Variants in CRPPA observed in about 807,000 individuals in gnomAD.
CRPPA encodes CDP-L-ribitol pyrophosphorylase A, also known as D-ribitol-5-phosphate cytidylyltransferase.
Under a neutral mutation model 52.0 loss-of-function variants are expected in CRPPA, and 43 were observed. The ratio of observed to expected loss-of-function variants is 0.83; its 90% confidence interval spans 0.65 to 1.07. The LOEUF (loss-of-function observed/expected upper bound fraction) is 1.07, where lower values mean the gene tolerates loss of function less well. Ranked by LOEUF, CRPPA falls within the 50% of genes least tolerant of loss-of-function variation. CRPPA has a pLI of 0.00. For synonymous variants in CRPPA, 250 were observed against 203.5 expected (o/e 1.23, Z -1.94); for missense variants, 629 against 551.7 (o/e 1.14, Z -1.40).
intron 3 of CRPPA, among the ~76,000 whole-genome samples, chr7:16,342,000 G>C (rs1036226143): frequency 1.3e-5 from 2 of 151,790 alleles, no homozygotes; most frequent in African/African-American, 4.8e-5. Flanking sequence ...CTTTCTATTG[G>C]TTTCTCACTC....
intron 3 of CRPPA, among the ~76,000 whole-genome samples, chr7:16,329,885 G>T (rs1325966842): frequency 6.6e-6 from 1 of 152,206 alleles, no homozygotes; most frequent in Non-Finnish European, 1.5e-5. Flanking sequence ...AATACTACCT[G>T]AAGCCCTGTG....
chr7:16,378,280 A>G (rs1458475455), intron 2 of CRPPA, among the ~76,000 whole-genome samples: 1 of 89,762 alleles, frequency 1.1e-5, no homozygotes, highest in African/African-American at 4.6e-5. Flanking sequence ...CCCACAACAG[A>G]CCCCAGAGTG....
intron 9 of CRPPA, among the ~76,000 whole-genome samples, chr7:16,092,815 C>T (rs1302002636): frequency 1.3e-5 from 2 of 152,170 alleles, no homozygotes; most frequent in South Asian, 2.1e-4. Flanking sequence ...CTTATCCTCT[C>T]GGCCTCTTCT....
Position 16,382,108 on chromosome 7 carries a change from A to G in CRPPA, c.535-5867T>C, listed in dbSNP as rs577876001. 2.6e-5 allele frequency among the ~76,000 whole-genome samples: 4 copies of G among 152,194 alleles called. No homozygotes were observed. In the South Asian group the frequency reaches 8.3e-4, roughly 32 times the overall value. On this transcript the variant is annotated intron_variant, in intron 2 of 9. Coordinates refer to ENST00000407010, the MANE Select transcript of CRPPA (RefSeq NM_001101426.4). ...GCCTTGATGGTCTTTATAATTTGGCATGATTTTGCAGTGGCTGGTACCGGT... is the reference window on the plus strand; with the variant it reads ...GCCTTGATGGTCTTTATAATTTGGCGTGATTTTGCAGTGGCTGGTACCGGT...
At chr7:16,240,461 T>TA (rs918155103) in intron 8 of CRPPA, among the ~76,000 whole-genome samples, 14 of 150,900 alleles carry the variant, frequency 9.3e-5, no homozygotes, top group Admixed American at 3.3e-4. Context: ...TTTTTCTGAT[T>TA]AAAAAAAAAT....
intron 1 of CRPPA, among the ~76,000 whole-genome samples, chr7:16,414,290 G>T (rs919149794): frequency 6.7e-6 from 1 of 148,632 alleles, no homozygotes; most frequent in South Asian, 2.1e-4. Flanking sequence ...AATCCCTTTT[G>T]CTGTAGTTGT....
chr7:16,244,650 T>C (rs976388759), intron 8 of CRPPA, among the ~76,000 whole-genome samples: 26 of 152,186 alleles, frequency 1.7e-4, no homozygotes, highest in African/African-American at 6.3e-4. Flanking sequence ...TATCTGTTCT[T>C]GTAGAGTAAA....
At chr7:16,211,998 G>A (rs1285740917) in intron 9 of CRPPA, among the ~76,000 whole-genome samples, 2 of 151,982 alleles carry the variant, frequency 1.3e-5, no homozygotes, top group Non-Finnish European at 2.9e-5. Context: ...TTATTTTATT[G>A]TTCTATATCC....
chr7:16,381,692 A>G (rs1787093483), intron 2 of CRPPA, among the ~76,000 whole-genome samples: 1 of 151,920 alleles, frequency 6.6e-6, no homozygotes, highest in South Asian at 2.1e-4. Flanking sequence ...GGGTGCATAT[A>G]TATTTAGGAT....
chr7:16,175,005 G>A (rs993251955), intron 9 of CRPPA, among the ~76,000 whole-genome samples: 4 of 152,034 alleles, frequency 2.6e-5, no homozygotes, highest in Non-Finnish European at 5.9e-5. Context: ...AGATTTTGTT[G>A]GTTTTTGAGC....
chr7:16,156,048 T>TTA lies in CRPPA; in HGVS notation c.1251+60016_1251+60017dup, dbSNP rs1201684075. 3.3e-5 allele frequency among the ~76,000 whole-genome samples: 5 copies of TTA among 151,712 alleles called. No individual in the cohort carries two copies. The East Asian group carries it at 5.8e-4, about 18-fold the overall frequency. ...ACATTTCATGAGGACTACATCTTTT[T>TTA]TATATATATATTAAGCCAACACAAA... On this transcript the variant is annotated intron_variant, in intron 9 of 9. Transcript: ENST00000407010.
At chr7:16,406,713 T>C (rs1195062834) in intron 1 of CRPPA, among the ~76,000 whole-genome samples, 2 of 152,214 alleles carry the variant, frequency 1.3e-5, no homozygotes, top group Non-Finnish European at 2.9e-5. Flanking sequence ...ACTTTTCCCT[T>C]CAATGAGACA....
chr7:16,216,142 A>G lies in CRPPA; in HGVS notation c.1175T>C (p.Met392Thr). Residue 392 changes from methionine to threonine, a missense_variant, in exon 9 of 10, where the codon ATG becomes ACG. Physicochemically the swap from Met to Thr is moderately conservative, Grantham distance 81 (BLOSUM62 -1). Transcript: ENST00000407010. The part of the protein sequence containing the change: ...VPPSQKMENL[M>T]QIREFAKEVK... ...TTCCTTTGCAAATTCTCTAATCTGC[A>G]TTAGGTTTTCCATTTTCTGACTGGG... is the stretch of plus-strand genomic sequence containing the variant. The G allele has an allele frequency of 6.3e-7, 1 of 1,598,548 alleles. No individual in the cohort carries two copies. Among genetic ancestry groups the G allele is most frequent in the Non-Finnish European group, 8.6e-7 (1 of 1,168,014 alleles).
intron 5 of CRPPA, 135 bp from the exon 6 acceptor site, chr7:16,278,361 A>C: frequency 1.7e-6 from 1 of 605,578 alleles, no homozygotes; most frequent in South Asian, 2.0e-5. Flanking sequence ...GGCCAAGTGG[A>C]GTAATCTGTG....
At chr7:16,263,212 G>A (rs1470659280) in intron 6 of CRPPA, among the ~76,000 whole-genome samples, 1 of 151,976 alleles carries the variant, frequency 6.6e-6, no homozygotes, top group African/African-American at 2.4e-5. Context: ...CTAAAATAGT[G>A]ACTTTGACAT....
At chr7:16,409,873 A>T (rs1788037671) in intron 1 of CRPPA, among the ~76,000 whole-genome samples, 2 of 152,336 alleles carry the variant, frequency 1.3e-5, no homozygotes, top group South Asian at 4.1e-4. Flanking sequence ...CTCCATATAG[A>T]GACAATGTCT....
At chr7:16,397,011 G>A (rs941861591) in intron 2 of CRPPA, among the ~76,000 whole-genome samples, 6 of 152,174 alleles carry the variant, frequency 3.9e-5, no homozygotes, top group South Asian at 2.1e-4. Flanking sequence ...GAACTGACAC[G>A]TGTGAAACAT....
At chr7:16,100,593 G>A (rs1330625801) in intron 9 of CRPPA, among the ~76,000 whole-genome samples, 1 of 152,176 alleles carries the variant, frequency 6.6e-6, no homozygotes, top group African/African-American at 2.4e-5. Flanking sequence ...CATGTCATCT[G>A]CAAACAGAGA....
intron 8 of CRPPA, among the ~76,000 whole-genome samples, chr7:16,240,518 G>A (rs1023415712): frequency 6.6e-6 from 1 of 151,184 alleles, no homozygotes; most frequent in African/African-American, 2.4e-5. Context: ...AGACAGGAAT[G>A]GAACAGGGAT....
Sources: gnomAD v4.1 joint callset for allele counts (sites outside exome capture counted in the v4.1 genomes callset) on GRCh38, gnomAD v4.1.1 for gene constraint, MANE v1.5 for transcripts, NCBI Gene and HGNC (gene_info 2026-07-23, HGNC 2026-07-21) for gene names.